The following MNT variants were observed in gnomAD, a reference collection of about 807,000 sequenced individuals.
MNT encodes the protein max-binding protein MNT.
MNT carries 13 observed loss-of-function variants against 40.7 expected under a neutral mutation model. The ratio of observed to expected loss-of-function variants is 0.32; its 90% confidence interval spans 0.21 to 0.51. The LOEUF is 0.51. Among genes scored for constraint, MNT ranks in the 20% least tolerant of loss-of-function variants. The pLI, the probability that MNT is intolerant of heterozygous loss-of-function variation, is 0.98. For synonymous variants in MNT, 426 were observed against 354.8 expected, an observed-to-expected ratio of 1.20 and a Z score of -2.26; for missense variants, 757 against 792.0, an observed-to-expected ratio of 0.96 and a Z score of 0.53.
chr17:2,399,752 TC>T (rs1215783194), intron 1 of MNT, among the ~76,000 whole-genome samples: 2 of 152,132 alleles, frequency 1.3e-5, no homozygotes, highest in African/African-American at 2.4e-5. Context: ...GCGGAGCCCG[TC>T]CACGTCACCA....
In MNT at chr17:2,385,791, T is replaced by C. The variant is rs2151662398; in HGVS notation, c.*1110A>G. ...CCCAGGGTTGGTCTGGGGACAGGCT[T>C]AGGGCTTGGCTAAGCCGCTGGGTTT... On this transcript the variant is annotated 3_prime_UTR_variant, in exon 6 of 6. Transcript: ENST00000174618. The C allele has an allele frequency of 6.6e-6, 1 of 152,378 alleles. No homozygotes were observed. The highest frequency in any genetic ancestry group is 2.1e-4 in the South Asian group (1 of 4,826). The allele number at this position is 152,378 out of a possible 1,614,324, so 9.4% of individuals were successfully genotyped here.
At chr17:2,400,110 G>A (rs2066604565) in intron 1 of MNT, among the ~76,000 whole-genome samples, 1 of 152,228 alleles carries the variant, frequency 6.6e-6, no homozygotes, top group African/African-American at 2.4e-5. Flanking sequence ...TCCCCACGGG[G>A]CCAGGGAAGC....
chr17:2,387,042 C>A lies in MNT; in HGVS notation c.1608G>T (p.Gly536=). ...HQQVNGTAGL[G]PPATVMAKPA... ...GCTTTGCCATGACAGTAGCCGGGGG[C>A]CCCAGGCCGGCCGTGCCGTTGACTT... The change falls in exon 6 of 6, where the codon GGG becomes GGT. Residue 536 remains glycine (G), a synonymous_variant. Transcript: ENST00000174618. 6.4e-7 allele frequency: 1 copy of A among 1,554,356 alleles called. No homozygotes were observed. Among genetic ancestry groups the A allele is most frequent in the Non-Finnish European group, 8.7e-7 (1 of 1,148,782 alleles).
In MNT at chr17:2,387,629, C is replaced by G; in HGVS notation, c.1021G>C (p.Glu341Gln). The G allele has an allele frequency of 2.5e-6, 4 of 1,614,020 alleles. No homozygotes were observed. Among genetic ancestry groups the G allele is most frequent in the Non-Finnish European group, 3.4e-6 (4 of 1,179,986 alleles). The change falls in exon 6 of 6, where the codon GAG (glutamate) becomes CAG (glutamine). Residue 341 changes from glutamate (E) to glutamine (Q), a missense_variant. Coordinates refer to ENST00000174618, the MANE Select transcript of MNT (RefSeq NM_020310.3). ...TASEGEDNIDEDMEEDRAGLG... is the reference protein window; with the variant it reads ...TASEGEDNIDQDMEEDRAGLG... Reference sequence around the variant, plus strand: ...CCCGCCCGGTCCTCCTCCATATCCTCGTCTATGTTGTCCTCACCCTCTGTG... The same window carrying G: ...CCCGCCCGGTCCTCCTCCATATCCTGGTCTATGTTGTCCTCACCCTCTGTG...
At position 2,386,866 on chromosome 17, in the gene MNT, C is replaced by T; in HGVS notation, c.*35G>A. 6.9e-7 allele frequency: 1 copy of T among 1,448,286 alleles called. No homozygotes were observed. The highest frequency in any genetic ancestry group is 9.1e-7 in the Non-Finnish European group (1 of 1,097,966). 89.7% of individuals were successfully genotyped at this position (1,448,286 alleles called of 1,614,324 possible). The stretch of plus-strand genomic sequence containing the variant: ...GAGAGTGGGGGACAGGTCCCCCTCC[C>T]TGTCCCCACTGGGGGCCTCTGAGTG... On this transcript the variant is annotated 3_prime_UTR_variant, in exon 6 of 6. Transcript: ENST00000174618.
rs201814261 is a variant in MNT, at chr17:2,394,022, G to A, written c.807+21C>T. The A allele has an allele frequency of 2.0e-3, 3,015 of 1,534,896 alleles. 3 individuals carry two copies. Among genetic ancestry groups the A allele is most frequent in the Non-Finnish European group, 2.3e-3 (2,562 of 1,135,946 alleles). On this transcript the variant is annotated intron_variant, in intron 4 of 5. Transcript: ENST00000174618. ...GGGAGGGCGGGGGAAGCTGCGCGAC[G>A]CCGGCCTCCGGGCCCCATACCTGGA...
chr17:2,394,943 C>G lies in MNT; in HGVS notation c.585G>C (p.Thr195=). Residue 195 remains threonine, a synonymous_variant, in exon 2 of 6, where the codon ACG becomes ACC. Transcript: ENST00000174618. ...QLAPQQPPPP[T]LGTLKLAPAE... ...CTGGTGCCAACTTCAGGGTCCCCAG[C>G]GTGGGTGGGGGCGGCTGCTGGGGGG... 6.2e-7 allele frequency: 1 copy of G among 1,607,884 alleles called. No individual in the cohort carries two copies. The highest frequency in any genetic ancestry group is 8.5e-7 in the Non-Finnish European group (1 of 1,177,522).
At chr17:2,395,836 GGA>G (rs59061049) in intron 1 of MNT, among the ~76,000 whole-genome samples, 11,527 of 152,166 alleles carry the variant, frequency 0.076, 600 homozygotes, top group African/African-American at 0.14. Flanking sequence ...GAGGGTCAGG[GGA>G]CCACAGGGCC....
chr17:2,387,827 T>A (rs1567864800), intron 5 of MNT, 30 bp downstream of exon 5: 4 of 1,563,836 alleles, frequency 2.6e-6, no homozygotes. Flanking sequence ...ATCTGAGGGC[T>A]GGGGGGCCAG....
In MNT at chr17:2,385,115, G is replaced by A. The variant is rs1432936381; in HGVS notation, c.*1786C>T. The stretch of plus-strand genomic sequence containing the variant: ...ACAGGGCTCAGCCTCTGAGGATGGT[G>A]ACCTGGTTTGTAACTGTCCCTTTAC... On this transcript the variant is annotated 3_prime_UTR_variant, in exon 6 of 6. Coordinates refer to ENST00000174618, the MANE Select transcript of MNT (RefSeq NM_020310.3). 2 of 152,352 alleles carry A rather than the reference G, an allele frequency of 1.3e-5. No individual in the cohort carries two copies. The highest frequency in any genetic ancestry group is 1.5e-5 in the Non-Finnish European group (1 of 68,062). The allele number at this position is 152,352 out of a possible 1,614,324, so 9.4% of individuals were successfully genotyped here.
chr17:2,393,795 A>G (rs575676691), intron 4 of MNT: 47 of 198,906 alleles, frequency 2.4e-4, no homozygotes, highest in African/African-American at 1.1e-3. Context: ...GGCCCCGGGG[A>G]CGCCGAGGCT....
At chr17:2,394,418 C>G in intron 2 of MNT, 72 bp from the exon 3 acceptor site, 1 of 1,604,390 alleles carries the variant, frequency 6.2e-7, no homozygotes, top group South Asian at 1.1e-5. Flanking sequence ...AGCGCCGCCA[C>G]CCGCAAAATT....
At chr17:2,399,619 A>C (rs1042881643) in intron 1 of MNT, among the ~76,000 whole-genome samples, 1 of 151,514 alleles carries the variant, frequency 6.6e-6, no homozygotes, top group African/African-American at 2.4e-5. Flanking sequence ...GCCCAGGCCC[A>C]ACCCAGCGCA....
rs202042731 is a variant in MNT at position 2,387,901 on chromosome 17, G to C, written c.956C>G (p.Thr319Arg). ...GGCCTGGTCATCCTCGGGCTGGCCCGTCTGCCGCAGCACGCGGTCAATCTC... is the reference window on the plus strand; with the variant it reads ...GGCCTGGTCATCCTCGGGCTGGCCCCTCTGCCGCAGCACGCGGTCAATCTC... ...VLEIDRVLRQ[T>R]GQPEDDQAST... The change falls in exon 5 of 6, where the codon ACG becomes AGG. Residue 319 changes from threonine (T) to arginine (R), a missense_variant. Transcript: ENST00000174618. The C allele has an allele frequency of 6.2e-7, 1 of 1,605,132 alleles. No individual in the cohort carries two copies. The highest frequency in any genetic ancestry group is 8.5e-7 in the Non-Finnish European group (1 of 1,179,110).
At position 2,386,007 on chromosome 17, in the gene MNT, T is replaced by C. The variant is rs1334941709; in HGVS notation, c.*894A>G. 1.3e-5 allele frequency: 2 copies of C among 152,362 alleles called. No individual in the cohort carries two copies. The highest frequency in any genetic ancestry group is 2.1e-4 in the South Asian group (1 of 4,820). 9.4% of individuals were successfully genotyped at this position (152,362 alleles called of 1,614,324 possible). On this transcript the variant is annotated 3_prime_UTR_variant, in exon 6 of 6. Coordinates refer to ENST00000174618, the MANE Select transcript of MNT (RefSeq NM_020310.3). ...GCTGAACGCAGGACAGCGCCCCTCT[T>C]TGCTGCCTTCTGGAAGCCAAGAGCC...
At position 2,387,453 on chromosome 17, in the gene MNT, C is replaced by A. The variant is rs752242178; in HGVS notation, c.1197G>T (p.Gln399His). ...VALPPAHLPV[Q>H]QQQPQQKTPL... The stretch of plus-strand genomic sequence containing the variant: ...GGGTCTTCTGCTGTGGCTGCTGCTG[C>A]TGCACGGGGAGGTGGGCAGGAGGTA... The change falls in exon 6 of 6, where the codon CAG (glutamine) becomes CAT (histidine). Residue 399 changes from glutamine (Q) to histidine (H), a missense_variant. Gln to His is a conservative substitution (Grantham distance 24). This residue lies in a region of MNT where 345 missense variants were observed against 380.1 expected (regional missense o/e 0.91). Transcript: ENST00000174618. 1 of 1,611,222 alleles carries A rather than the reference C, an allele frequency of 6.2e-7. No homozygotes were observed. The highest frequency in any genetic ancestry group is 1.7e-4 in the Middle Eastern group (1 of 5,818).
At chr17:2,392,717 C>T (rs1016387722) in intron 4 of MNT, 4 of 151,966 alleles carry the variant, frequency 2.6e-5, no homozygotes, top group Non-Finnish European at 5.9e-5. Context: ...GCCGCGGCTT[C>T]CCTGCGTCAC....
intron 3 of MNT, 62 bp downstream of exon 3, chr17:2,394,243 C>T: frequency 6.3e-7 from 1 of 1,589,870 alleles, no homozygotes; most frequent in Admixed American, 1.8e-5. Context: ...GGCCGAGGGC[C>T]GCCGGGGCCC....
chr17:2,393,635 T>C (rs948728221), intron 4 of MNT: 2 of 152,718 alleles, frequency 1.3e-5, no homozygotes, highest in African/African-American at 4.8e-5. Context: ...GCTACAGACA[T>C]TCGGGCGGAA....
Sources: gnomAD v4.1 joint callset for allele counts (sites outside exome capture counted in the v4.1 genomes callset) on GRCh38, gnomAD v4.1.1 for gene constraint, gnomAD v4.1.1 regional missense constraint, MANE v1.5 for transcripts, NCBI Gene and HGNC (gene_info 2026-07-23, HGNC 2026-07-21) for gene names.